CFAP96: variants seen among roughly 807,000 people sequenced by gnomAD.
CFAP96 encodes the protein cilia-and flagella-associated protein 96.
chr4:185,425,970 C>A, the CFAP96 span: 2 of 1,374,468 alleles, frequency 1.5e-6, no homozygotes, highest in Non-Finnish European at 2.0e-6. Flanking sequence ...GGGGCCCGGG[C>A]GGACCAACTA....
At chr4:185,416,119 G>A in the CFAP96 span, 2 of 296,354 alleles carry the variant, frequency 6.7e-6, no homozygotes, top group East Asian at 1.1e-4. Flanking sequence ...AGAATATAAA[G>A]CTGTACTACA....
At chr4:185,408,502 C>T in the CFAP96 span, 1 of 1,468,600 alleles carries the variant, frequency 6.8e-7, no homozygotes. Context: ...TATATATGCT[C>T]CCGAATTATG....
chr4:185,429,642 C>T, the CFAP96 span: 130 of 590,294 alleles, frequency 2.2e-4, no homozygotes, highest in Middle Eastern at 1.3e-3. Context: ...AGTTTGTTAA[C>T]GTGTAAAATT....
At chr4:185,429,428 GA>G in the CFAP96 span, 4 of 1,535,670 alleles carry the variant, frequency 2.6e-6, no homozygotes, top group Admixed American at 4.2e-5. Context: ...GCGGAAGGAG[GA>G]AAAACGGACA....
chr4:185,446,075 A>G, the CFAP96 span, among the ~76,000 whole-genome samples: 930 of 152,246 alleles, frequency 6.1e-3, 11 homozygotes, highest in African/African-American at 0.022. Flanking sequence ...TCCCGACCTC[A>G]GGTGATCCAC....
chr4:185,425,744 T>C, the CFAP96 span: 3 of 1,446,184 alleles, frequency 2.1e-6, no homozygotes, highest in African/African-American at 4.2e-5. Context: ...CCCACGCAGC[T>C]CGCAGCTGCC....
At chr4:185,423,687 TCTTTA>T in the CFAP96 span, among the ~76,000 whole-genome samples, 2 of 152,184 alleles carry the variant, frequency 1.3e-5, no homozygotes, top group East Asian at 3.8e-4. Flanking sequence ...ACTAATCAGT[TCTTTA>T]CTTGGATCCA....
the CFAP96 span, chr4:185,425,888 C>T: frequency 1.9e-6 from 3 of 1,598,532 alleles, no homozygotes; most frequent in African/African-American, 4.0e-5. Context: ...GTGGCGGTGA[C>T]ACGGGCGCTG....
chr4:185,445,186 A>G, the CFAP96 span: 1 of 1,377,604 alleles, frequency 7.3e-7, no homozygotes, highest in Non-Finnish European at 9.9e-7. Context: ...TCCAACTTTT[A>G]TACTTCTTCA....
At chr4:185,423,862 G>A in the CFAP96 span, among the ~76,000 whole-genome samples, 4 of 152,008 alleles carry the variant, frequency 2.6e-5, no homozygotes, top group African/African-American at 9.7e-5. Flanking sequence ...GAAAGAGAGC[G>A]GGAGATTTCT....
chr4:185,440,917 A>C, the CFAP96 span, among the ~76,000 whole-genome samples: 3 of 143,708 alleles, frequency 2.1e-5, no homozygotes, highest in Non-Finnish European at 4.5e-5. Flanking sequence ...CCTTGTCATG[A>C]AGTAATTATT....
At chr4:185,428,556 T>TA in the CFAP96 span, among the ~76,000 whole-genome samples, 1,038 of 143,396 alleles carry the variant, frequency 7.2e-3, 13 homozygotes, top group African/African-American at 0.024. Context: ...TGGGACTGTC[T>TA]AAAAAAAAAA....
At chr4:185,446,769 T>C in the CFAP96 span, among the ~76,000 whole-genome samples, 2 of 152,232 alleles carry the variant, frequency 1.3e-5, no homozygotes, top group Non-Finnish European at 1.5e-5. Context: ...TTATGTACTT[T>C]AAGATGTGTT....
the CFAP96 span, among the ~76,000 whole-genome samples, chr4:185,422,856 A>G: frequency 6.6e-6 from 1 of 150,730 alleles, no homozygotes; most frequent in African/African-American, 2.4e-5. Flanking sequence ...GCCTAGGCAC[A>G]GGGATTTTGG....
At chr4:185,415,872 A>G in the CFAP96 span, 17 of 1,606,536 alleles carry the variant, frequency 1.1e-5, no homozygotes, top group Non-Finnish European at 1.4e-5. Context: ...TTGATGCTAT[A>G]TAGATAAACA....
At chr4:185,410,378 G>A in the CFAP96 span, among the ~76,000 whole-genome samples, 5 of 152,128 alleles carry the variant, frequency 3.3e-5, no homozygotes, top group Non-Finnish European at 5.9e-5. Flanking sequence ...GTCCAGGCAC[G>A]GTGGCTCATG....
chr4:185,429,599 T>A, the CFAP96 span: 1 of 765,726 alleles, frequency 1.3e-6, no homozygotes, highest in South Asian at 1.9e-5. Context: ...AATGATTTTT[T>A]AATGGTTTAT....
At chr4:185,422,877 G>A in the CFAP96 span, among the ~76,000 whole-genome samples, 2 of 125,486 alleles carry the variant, frequency 1.6e-5, no homozygotes, top group Non-Finnish European at 3.3e-5. Context: ...TTTTTTGTTT[G>A]GAGACAGGGT....
At chr4:185,426,118 A>G in the CFAP96 span, 2 of 568,808 alleles carry the variant, frequency 3.5e-6, no homozygotes, top group South Asian at 2.2e-5. Context: ...GTCCTACAGA[A>G]GCTCACACAT....
Sources: gnomAD v4.1 joint callset for allele counts (sites outside exome capture counted in the v4.1 genomes callset) on GRCh38, gnomAD v4.1.1 for gene constraint, MANE v1.5 for transcripts, NCBI Gene and HGNC (gene_info 2026-07-23, HGNC 2026-07-21) for gene names.